DCTN1: variants seen among roughly 807,000 people sequenced by gnomAD.
DCTN1 encodes dynactin subunit 1, also known as 150 kDa dynein-associated polypeptide.
In DCTN1, 61 loss-of-function variants were observed where a neutral mutation model predicts 161.2. That is an observed-to-expected ratio of 0.38 (90% CI 0.31 to 0.47). The LOEUF (loss-of-function observed/expected upper bound fraction) is 0.47, where lower values mean the gene tolerates loss of function less well. Among genes scored for constraint, DCTN1 ranks in the 20% least tolerant of loss-of-function variants. The pLI is 0.99. For synonymous variants in DCTN1, 653 were observed against 632.4 expected, an observed-to-expected ratio of 1.03 and a Z score of -0.49; for missense variants, 1,404 against 1,623.7, an observed-to-expected ratio of 0.86 and a Z score of 2.33.
intron 6 of DCTN1, chr2:74,373,485 T>C (rs1288518525): frequency 5.3e-6 from 1 of 188,582 alleles, no homozygotes; most frequent in Non-Finnish European, 1.1e-5. Flanking sequence ...ACAATGCTGC[T>C]GTCCTCCCTC....
At chr2:74,371,511 T>C (rs1277997377) in intron 8 of DCTN1, 26 bp downstream of exon 8, 1 of 1,550,326 alleles carries the variant, frequency 6.5e-7, no homozygotes, top group Admixed American at 2.0e-5. Context: ...GTCTTGATTC[T>C]CCTTTACCCC....
intron 4 of DCTN1, 63 bp downstream of exon 4, chr2:74,377,369 A>G: frequency 7.4e-7 from 1 of 1,348,558 alleles, no homozygotes; most frequent in Non-Finnish European, 1.1e-6. Context: ...AGCACTGGGT[A>G]TCCCTCCTCT....
chr2:74,380,860 T>C (rs1675481442), upstream of DCTN1, among the ~76,000 whole-genome samples: 1 of 152,164 alleles, frequency 6.6e-6, no homozygotes, highest in African/African-American at 2.4e-5. Flanking sequence ...CTTCACCCTT[T>C]ATGGTTGTTA....
chr2:74,379,010 G>A (rs1675383750), intron 1 of DCTN1: 1 of 153,366 alleles, frequency 6.5e-6, no homozygotes, highest in Non-Finnish European at 1.5e-5. Flanking sequence ...AAATTGGGTG[G>A]ATCTACCCCT....
rs1674171213 is a variant in DCTN1, at chr2:74,363,447, T to A, written c.3212-20A>T. 3 of 1,611,246 alleles carry A rather than the reference T, an allele frequency of 1.9e-6. No homozygotes were observed. The highest frequency in any genetic ancestry group is 1.7e-6 in the Non-Finnish European group (2 of 1,179,490). On this transcript the variant is annotated intron_variant, in intron 27 of 31. Transcript: ENST00000628224. ...TGGCTCCTGTGGGGACCATAAAAAA[T>A]CTCATCAGCCCCAAGTGGAAAGGGT...
At chr2:74,374,800 G>C (rs550353755) in intron 5 of DCTN1, 37 of 1,023,360 alleles carry the variant, frequency 3.6e-5, no homozygotes, top group Non-Finnish European at 4.2e-5. Flanking sequence ...ACAGTCATGC[G>C]CAGAGCTTGT....
Position 74,378,197 on chromosome 2 carries a change from G to A in DCTN1, c.82C>T (p.Arg28Trp), listed in dbSNP as rs1050062954. 1.2e-5 allele frequency: 19 copies of A among 1,612,910 alleles called. No individual in the cohort carries two copies. The highest frequency in any genetic ancestry group is 2.2e-5 in the South Asian group (2 of 91,088). The change falls in exon 2 of 32, where the codon CGG (arginine) becomes TGG (tryptophan). Residue 28 changes from arginine to tryptophan, a missense_variant. This residue lies in a region of DCTN1 where 53 missense variants were observed against 54.4 expected (regional missense o/e 0.97). Coordinates refer to ENST00000628224, the MANE Select transcript of DCTN1 (RefSeq NM_004082.5). ...ATCACCTCTACACGGGAGCCCACCC[G>A]CAGAGGCCGGGCGCTTGCCTCCGCA... Reference protein sequence around the residue: ...MSAEASARPLRVGSRVEVIGK... With the variant: ...MSAEASARPLWVGSRVEVIGK...
Position 74,361,332 on chromosome 2 carries a change from G to T in DCTN1, c.*167C>A. On this transcript the variant is annotated 3_prime_UTR_variant, in exon 32 of 32. Transcript: ENST00000628224. ...CCAGGGAATGGGAGTGGGGGAACCCGGGTCAAGGTGAAGGGGCAGGACGCT... is the reference window on the plus strand; with the variant it reads ...CCAGGGAATGGGAGTGGGGGAACCCTGGTCAAGGTGAAGGGGCAGGACGCT... 1 of 960,448 alleles carries T rather than the reference G, an allele frequency of 1.0e-6. No homozygotes were observed. Among genetic ancestry groups the T allele is most frequent in the Non-Finnish European group, 1.6e-6 (1 of 622,882 alleles). 59.5% of individuals were successfully genotyped at this position (960,448 alleles called of 1,614,324 possible). A position where few individuals can be genotyped will look rare whatever the true frequency, so the allele number is the denominator to read the frequency against.
At chr2:74,366,148 T>C (rs1374291960) in intron 23 of DCTN1, 96 bp downstream of exon 23, 13 of 1,610,580 alleles carry the variant, frequency 8.1e-6, no homozygotes, top group Non-Finnish European at 9.3e-6. Context: ...TCCAGATGCC[T>C]TCCTCCTGTC....
rs72659377 is a variant in DCTN1, at chr2:74,367,815, A to T, written c.2065T>A (p.Tyr689Asn). The T allele has an allele frequency of 6.2e-7, 1 of 1,614,182 alleles. No homozygotes were observed. Among genetic ancestry groups the T allele is most frequent in the Non-Finnish European group, 8.5e-7 (1 of 1,180,026 alleles). Residue 689 changes from tyrosine (Y) to asparagine (N), a missense_variant, in exon 18 of 32, where the codon TAC becomes AAC. Transcript: ENST00000628224. ...CGCTCATGGGCACTCATCTCAGGGTACAGGCTGCCCACTTTCTTATACACA... is the reference window on the plus strand; with the variant it reads ...CGCTCATGGGCACTCATCTCAGGGTTCAGGCTGCCCACTTTCTTATACACA... ...VDVYKKVGSL[Y>N]PEMSAHERSL...
At chr2:74,375,638 G>T (rs1675177390) in intron 5 of DCTN1, among the ~76,000 whole-genome samples, 1 of 152,132 alleles carries the variant, frequency 6.6e-6, no homozygotes, top group Non-Finnish European at 1.5e-5. Flanking sequence ...CTCTATTCAA[G>T]GCCTGAGGTG....
Position 74,362,677 on chromosome 2 carries a change from G to T in DCTN1, c.3582C>A (p.Ser1194=). 2 of 1,613,986 alleles carry T rather than the reference G, an allele frequency of 1.2e-6. No individual in the cohort carries two copies. The highest frequency in any genetic ancestry group is 1.7e-6 in the Non-Finnish European group (2 of 1,179,984). The change falls in exon 30 of 32, where the codon TCC becomes TCA. Residue 1194 remains serine (S), a synonymous_variant. Transcript: ENST00000628224. ...TGAGCTTCTCGACGGTGTCACTCAGGGACTTAAGCTGAGCCACTTGCTCCA... is the reference window on the plus strand; with the variant it reads ...TGAGCTTCTCGACGGTGTCACTCAGTGACTTAAGCTGAGCCACTTGCTCCA... ...QLMEQVAQLK[S]LSDTVEKLKD...
intron 7 of DCTN1, among the ~76,000 whole-genome samples, 183 bp downstream of exon 7, chr2:74,372,745 C>T (rs993003757): frequency 1.3e-5 from 2 of 152,226 alleles, no homozygotes; most frequent in Non-Finnish European, 2.9e-5. Context: ...TCCTAAAAGC[C>T]AAAAGCCATT....
chr2:74,369,518 T>A lies in DCTN1; in HGVS notation c.1393-27A>T. 1 of 1,608,728 alleles carries A rather than the reference T, an allele frequency of 6.2e-7. No individual in the cohort carries two copies. The highest frequency in any genetic ancestry group is 2.2e-5 in the East Asian group (1 of 44,876). On this transcript the variant is annotated intron_variant, in intron 13 of 31. Coordinates refer to ENST00000628224, the MANE Select transcript of DCTN1 (RefSeq NM_004082.5). The surrounding 1 kb of genome is among the most constrained non-coding windows in gnomAD (Gnocchi z 4.9). ...TAGGACACCACACCATAGTTTGGGC[T>A]AAAGAAAGGCAGGGTCGGCCAGCGG... is the stretch of plus-strand genomic sequence containing the variant.
Position 74,369,681 on chromosome 2 carries a change from C to T in DCTN1, c.1393-190G>A, listed in dbSNP as rs191096592. On this transcript the variant is annotated intron_variant, in intron 13 of 31. Coordinates refer to ENST00000628224, the MANE Select transcript of DCTN1 (RefSeq NM_004082.5). The surrounding 1 kb of genome is among the most constrained non-coding windows in gnomAD (Gnocchi z 4.9). ...TACAAAAATTAGCTGGGTATGGTGG[C>T]GCATGCCTGTAGTACCAGCTACTCG... Among the ~76,000 whole-genome samples the T allele has an allele frequency of 3.9e-5, 6 of 152,170 alleles. No individual in the cohort carries two copies. Among genetic ancestry groups the T allele is most frequent in the Middle Eastern group, 3.4e-3 (1 of 294 alleles).
At chr2:74,379,132 C>A (rs1007589527) in intron 1 of DCTN1, among the ~76,000 whole-genome samples, 1 of 152,140 alleles carries the variant, frequency 6.6e-6, no homozygotes, top group East Asian at 1.9e-4. Flanking sequence ...CTCTTAGCTT[C>A]GGCACACCCA....
chr2:74,368,324 G>A, intron 16 of DCTN1, 193 bp from the exon 17 acceptor site: 7 of 748,584 alleles, frequency 9.4e-6, no homozygotes, highest in Non-Finnish European at 1.3e-5. Flanking sequence ...GAGGTTGTGA[G>A]GAGTCAGGAT....
Position 74,365,198 on chromosome 2 carries a change from G to C in DCTN1, c.3073C>G (p.Gln1025Glu), listed in dbSNP as rs1167996727. The C allele has an allele frequency of 1.2e-6, 2 of 1,614,168 alleles. No homozygotes were observed. Among genetic ancestry groups the C allele is most frequent in the South Asian group, 2.2e-5 (2 of 91,076 alleles). Reference sequence around the variant, plus strand: ...AGTTCTGCCTTCTCTGCCTCCAGCTGGTCGATGTCAGCCTGGAGTGCATCC... The same window carrying C: ...AGTTCTGCCTTCTCTGCCTCCAGCTCGTCGATGTCAGCCTGGAGTGCATCC... Reference protein sequence around the residue: ...TMDALQADIDQLEAEKAELKQ... With the variant: ...TMDALQADIDELEAEKAELKQ... Residue 1025 changes from glutamine to glutamate, a missense_variant, in exon 26 of 32, where the codon CAG becomes GAG. By Grantham distance (29) the Gln-to-Glu change is conservative. This residue lies in a region of DCTN1 where 23 missense variants were observed against 48.5 expected (regional missense o/e 0.47). Transcript: ENST00000628224.
At chr2:74,383,000 G>A (rs934544562), upstream of DCTN1, among the ~76,000 whole-genome samples, 14 of 151,524 alleles carry the variant, frequency 9.2e-5, no homozygotes, top group Non-Finnish European at 1.5e-4. Flanking sequence ...GCGTGAACCC[G>A]GGAAGCGGAG....
Sources: allele counts gnomAD v4.1 joint callset (sites outside exome capture counted in the v4.1 genomes callset), GRCh38; gene constraint gnomAD v4.1.1; regional missense constraint gnomAD v4.1.1; non-coding constraint Gnocchi (gnomAD v3.1); transcripts MANE v1.5; gene names NCBI Gene and HGNC (gene_info 2026-07-23, HGNC 2026-07-21).